MAGI2: variants seen among roughly 807,000 people sequenced by gnomAD.
MAGI2 encodes the protein membrane associated guanylate kinase, WW and PDZ domain containing 2, also known as membrane-associated guanylate kinase, WW and PDZ domain-containing protein 2.
In MAGI2, 35 loss-of-function variants were observed where a neutral mutation model predicts 133.3. The observed-to-expected ratio is 0.26, with a 90% confidence interval of 0.20 to 0.35. MAGI2 has a LOEUF of 0.35. Among genes scored for constraint, MAGI2 ranks in the 10% least tolerant of loss-of-function variants. The probability of loss-of-function intolerance (pLI) is 1.00; values close to 1 mark genes in which losing one functional copy is unlikely to be tolerated. For missense variants in MAGI2, 1,636 were observed against 1,863.4 expected, an observed-to-expected ratio of 0.88 and a Z score of 2.25; for synonymous variants, 729 against 710.6, an observed-to-expected ratio of 1.03 and a Z score of -0.41.
intron 2 of MAGI2, among the ~76,000 whole-genome samples, chr7:78,668,450 A>G (rs1813910414): frequency 6.6e-6 from 1 of 150,828 alleles, no homozygotes; most frequent in South Asian, 2.1e-4. Flanking sequence ...TTGGTGTTTT[A>G]GACATGAAGT....
At chr7:79,185,517 T>C (rs1239905774) in intron 1 of MAGI2, among the ~76,000 whole-genome samples, 6 of 12,416 alleles carry the variant, frequency 4.8e-4, no homozygotes, top group African/African-American at 9.2e-4. Flanking sequence ...AATTTGGTCA[T>C]TTTTTTTTTT....
intron 1 of MAGI2, among the ~76,000 whole-genome samples, chr7:79,375,782 T>C (rs1348737577): frequency 3.3e-5 from 5 of 151,874 alleles, no homozygotes; most frequent in African/African-American, 7.3e-5. Context: ...GTCTGAAAAA[T>C]AGAGAGGTTT....
At chr7:78,592,828 CTTTTT>C (rs10675572) in intron 3 of MAGI2, among the ~76,000 whole-genome samples, 35 of 106,844 alleles carry the variant, frequency 3.3e-4, no homozygotes, top group Middle Eastern at 4.5e-3. Flanking sequence ...TACTGATTCT[CTTTTT>C]TTTTTTTTTT....
At chr7:78,283,003 C>CTGGATTTCCTT (rs1256052315) in intron 9 of MAGI2, among the ~76,000 whole-genome samples, 1 of 151,862 alleles carries the variant, frequency 6.6e-6, no homozygotes, top group Non-Finnish European at 1.5e-5. Flanking sequence ...AAGATATGAC[C>CTGGATTTCCTT]TGGATTTCCT....
At chr7:78,616,668 T>A (rs764097093) in intron 3 of MAGI2, 3 of 152,096 alleles carry the variant, frequency 2.0e-5, no homozygotes, top group Non-Finnish European at 2.9e-5. Context: ...ATTATCACAC[T>A]TAGGACATGT....
intron 2 of MAGI2, among the ~76,000 whole-genome samples, chr7:78,888,569 A>C (rs7801549): frequency 0.096 from 14,599 of 152,262 alleles, 759 homozygotes; most frequent in East Asian, 0.22. Context: ...TTTGCTGTTC[A>C]CCAATATCCG....
In MAGI2 at chr7:78,882,855, C is replaced by T. The variant is rs146491382; in HGVS notation, c.418+124235G>A. ...ATAAACTAGGCATAGAAAGAACATACCTCAAAATAATAAGAGCCATCTATG... is the reference window on the plus strand; with the variant it reads ...ATAAACTAGGCATAGAAAGAACATATCTCAAAATAATAAGAGCCATCTATG... On this transcript the variant is annotated intron_variant, in intron 2 of 21. Transcript: ENST00000354212. Among the ~76,000 whole-genome samples the T allele has an allele frequency of 2.5e-3, 377 of 152,082 alleles. 5 individuals carry two copies. In the East Asian group the frequency reaches 0.048, roughly 20 times the overall value.
In MAGI2 at chr7:79,291,585, T is replaced by C. The variant is rs537624726; in HGVS notation, c.301+161435A>G. ...TATACTCACCAATACTCATTTTCCA[T>C]TTTTAAAAAGTTACAGACATCCAAA... On this transcript the variant is annotated intron_variant, in intron 1 of 21. Coordinates refer to ENST00000354212, the MANE Select transcript of MAGI2 (RefSeq NM_012301.4). Among the ~76,000 whole-genome samples the C allele has an allele frequency of 3.9e-4, 59 of 152,278 alleles. 5 individuals are homozygous for C. The South Asian group carries it at 0.012, about 31-fold the overall frequency.
At chr7:78,420,748 C>A (rs1287925197) in intron 6 of MAGI2, among the ~76,000 whole-genome samples, 1 of 152,138 alleles carries the variant, frequency 6.6e-6, no homozygotes, top group East Asian at 1.9e-4. Flanking sequence ...AGCAGTACTG[C>A]CCATATCCTG....
chr7:78,345,612 C>T, intron 8 of MAGI2: 1 of 276,878 alleles, frequency 3.6e-6, no homozygotes, highest in South Asian at 5.6e-5. Flanking sequence ...TGTGCTTGGT[C>T]TTTTAAGGAC....
At chr7:78,123,555 G>A (rs752298036) in intron 20 of MAGI2, among the ~76,000 whole-genome samples, 2 of 152,178 alleles carry the variant, frequency 1.3e-5, no homozygotes, top group Non-Finnish European at 2.9e-5. Flanking sequence ...TACCATGATA[G>A]TCAATCTGAT....
intron 1 of MAGI2, chr7:79,125,236 A>G: frequency 2.3e-6 from 1 of 430,822 alleles, no homozygotes; most frequent in Middle Eastern, 8.9e-4. Context: ...GAAATATACC[A>G]TACTGTGAAT....
intron 3 of MAGI2, among the ~76,000 whole-genome samples, chr7:78,534,619 A>G (rs1416004301): frequency 6.6e-6 from 1 of 152,224 alleles, no homozygotes; most frequent in Non-Finnish European, 1.5e-5. Context: ...TAACATTCAC[A>G]AATCCAAGAG....
At chr7:78,965,597 T>C (rs1803242094) in intron 2 of MAGI2, among the ~76,000 whole-genome samples, 1 of 152,072 alleles carries the variant, frequency 6.6e-6, no homozygotes, top group African/African-American at 2.4e-5. Context: ...CAGATTATTT[T>C]ATCTACAAAC....
chr7:78,884,585 A>T (rs775869104), intron 2 of MAGI2, among the ~76,000 whole-genome samples: 3 of 152,170 alleles, frequency 2.0e-5, no homozygotes, highest in African/African-American at 4.8e-5. Context: ...AACATCACTA[A>T]TCATCAAAGA....
chr7:78,271,484 G>A (rs1014102821), intron 9 of MAGI2, among the ~76,000 whole-genome samples: 1 of 152,142 alleles, frequency 6.6e-6, no homozygotes, highest in Non-Finnish European at 1.5e-5. Context: ...GAATTAGGGA[G>A]GATTCCTTCT....
intron 1 of MAGI2, among the ~76,000 whole-genome samples, chr7:79,376,435 T>C (rs1290080393): frequency 6.6e-6 from 1 of 151,880 alleles, no homozygotes; most frequent in Non-Finnish European, 1.5e-5. Context: ...GTGAGATGAA[T>C]GACAGAGGCA....
chr7:79,251,624 A>G (rs1281275920), intron 1 of MAGI2, among the ~76,000 whole-genome samples: 6 of 152,200 alleles, frequency 3.9e-5, no homozygotes, highest in Non-Finnish European at 5.9e-5. Flanking sequence ...GAATCTTTGT[A>G]CGCTGTTGGT....
intron 2 of MAGI2, among the ~76,000 whole-genome samples, chr7:78,893,385 T>C (rs987599824): frequency 6.6e-6 from 1 of 152,208 alleles, no homozygotes; most frequent in African/African-American, 2.4e-5. Context: ...ACTGGGTATA[T>C]ACCCAAAGGA....
Sources: allele counts gnomAD v4.1 joint callset (sites outside exome capture counted in the v4.1 genomes callset), GRCh38; gene constraint gnomAD v4.1.1; transcripts MANE v1.5; gene names NCBI Gene and HGNC (gene_info 2026-07-23, HGNC 2026-07-21).